Variants in NFIB observed in about 807,000 individuals in gnomAD.
NFIB encodes the protein nuclear factor I B, also known as nuclear factor 1 B-type.
Under a neutral mutation model 61.5 loss-of-function variants are expected in NFIB, and 11 were observed. That is an observed-to-expected ratio of 0.18 (90% CI 0.11 to 0.30). The LOEUF is 0.30. Ranked by LOEUF, NFIB falls within the 10% of genes least tolerant of loss-of-function variation. The pLI is 1.00. For missense variants in NFIB, 471 were observed against 608.9 expected, an observed-to-expected ratio of 0.77 and a Z score of 2.38; for synonymous variants, 260 against 216.5, an observed-to-expected ratio of 1.20 and a Z score of -1.76.
chr9:14,419,062 T>A, the NFIB span, among the ~76,000 whole-genome samples: 5 of 151,906 alleles, frequency 3.3e-5, no homozygotes, highest in East Asian at 3.9e-4. Context: ...ACCTGCAAAG[T>A]CACCAAACAA....
At chr9:14,183,294 T>C (rs1334970048) in intron 2 of NFIB, among the ~76,000 whole-genome samples, 1 of 152,126 alleles carries the variant, frequency 6.6e-6, no homozygotes, top group Non-Finnish European at 1.5e-5. Context: ...AGGCAGTAGA[T>C]ACCAGCCAGT....
intron 10 of NFIB, chr9:14,094,510 C>T (rs1024049857): frequency 1.3e-5 from 2 of 152,100 alleles, no homozygotes; most frequent in Admixed American, 6.6e-5. Context: ...TGGGTTTCTT[C>T]GATTTATTTT....
the NFIB span, among the ~76,000 whole-genome samples, chr9:14,470,149 G>T: frequency 6.6e-6 from 1 of 152,138 alleles, no homozygotes; most frequent in African/African-American, 2.4e-5. Context: ...TTGTCATGAG[G>T]ACTAAAATGA....
intron 2 of NFIB, among the ~76,000 whole-genome samples, chr9:14,243,540 G>C (rs1461667602): frequency 6.6e-6 from 1 of 151,888 alleles, no homozygotes; most frequent in Non-Finnish European, 1.5e-5. Flanking sequence ...AAGACAAACT[G>C]GAAATAAATG....
At chr9:14,446,912 A>G in the NFIB span, among the ~76,000 whole-genome samples, 11 of 152,172 alleles carry the variant, frequency 7.2e-5, no homozygotes, top group African/African-American at 2.7e-4. Context: ...TTTCAAACAA[A>G]TCTCAGATAT....
Position 14,164,050 on chromosome 9 carries a change from T to G in NFIB, c.617-8157A>C, listed in dbSNP as rs2044495882. 2.0e-5 allele frequency among the ~76,000 whole-genome samples: 3 copies of G among 150,048 alleles called. No individual in the cohort carries two copies. The South Asian group carries it at 6.3e-4, about 32-fold the overall frequency. On this transcript the variant is annotated intron_variant, in intron 3 of 10. Coordinates refer to ENST00000380953, the MANE Select transcript of NFIB (RefSeq NM_001190737.2). Reference sequence around the variant, plus strand: ...ACTTACCATAAAAGAAAGAACAGCATCACAACCACCCCAAAAATTAAAAAG... The same window carrying G: ...ACTTACCATAAAAGAAAGAACAGCAGCACAACCACCCCAAAAATTAAAAAG...
chr9:14,377,012 T>C (rs528358006), intron 1 of NFIB, among the ~76,000 whole-genome samples: 53 of 152,310 alleles, frequency 3.5e-4, no homozygotes, highest in Admixed American at 2.6e-4. Flanking sequence ...ACCAAAAAGA[T>C]ATACTGTATA....
At chr9:14,258,148 G>A (rs1038416696) in intron 2 of NFIB, among the ~76,000 whole-genome samples, 1 of 152,166 alleles carries the variant, frequency 6.6e-6, no homozygotes, top group African/African-American at 2.4e-5. Context: ...CAAAGGTACT[G>A]CTTATCATCA....
intron 2 of NFIB, among the ~76,000 whole-genome samples, chr9:14,200,375 A>G (rs940343390): frequency 6.6e-6 from 1 of 152,186 alleles, no homozygotes; most frequent in Non-Finnish European, 1.5e-5. Context: ...AATCTGTTTC[A>G]GTGAAGTTAG....
chr9:14,455,880 T>C, the NFIB span, among the ~76,000 whole-genome samples: 6 of 152,184 alleles, frequency 3.9e-5, no homozygotes, highest in African/African-American at 1.4e-4. Context: ...AAATAATTAA[T>C]ATGACATTTT....
the NFIB span, among the ~76,000 whole-genome samples, chr9:14,469,749 C>A: frequency 2.0e-5 from 3 of 152,180 alleles, no homozygotes; most frequent in East Asian, 5.8e-4. Flanking sequence ...AAAGTCCTCT[C>A]CTATATACTT....
At chr9:14,249,505 C>G (rs957722445) in intron 2 of NFIB, among the ~76,000 whole-genome samples, 6 of 152,076 alleles carry the variant, frequency 3.9e-5, no homozygotes, top group Non-Finnish European at 8.8e-5. Flanking sequence ...TCACTGTTGC[C>G]TAGGCTAAAG....
chr9:14,190,657 C>T (rs930582486), intron 2 of NFIB, among the ~76,000 whole-genome samples: 4 of 152,078 alleles, frequency 2.6e-5, no homozygotes, highest in African/African-American at 9.7e-5. Context: ...GTAATTTCCT[C>T]TTGCAAATTA....
chr9:14,446,028 G>A, the NFIB span, among the ~76,000 whole-genome samples: 2 of 152,130 alleles, frequency 1.3e-5, no homozygotes, highest in Non-Finnish European at 2.9e-5. Flanking sequence ...TAGAATTCCA[G>A]GTTCTCTCAG....
At chr9:14,329,715 A>G (rs2060798100) in intron 1 of NFIB, among the ~76,000 whole-genome samples, 1 of 151,374 alleles carries the variant, frequency 6.6e-6, no homozygotes, top group Non-Finnish European at 1.5e-5. Context: ...GAGTTTCACC[A>G]TATTGCCCAG....
the NFIB span, among the ~76,000 whole-genome samples, chr9:14,510,774 C>G: frequency 6.6e-6 from 1 of 152,142 alleles, no homozygotes; most frequent in Admixed American, 6.5e-5. Context: ...TGAGAAATGT[C>G]CACTATAAAA....
At chr9:14,457,340 T>G in the NFIB span, among the ~76,000 whole-genome samples, 1 of 152,086 alleles carries the variant, frequency 6.6e-6, no homozygotes, top group East Asian at 1.9e-4. Flanking sequence ...GATAGTTTAG[T>G]TTGAACGAGT....
rs141906953 is a variant in NFIB at position 14,200,743 on chromosome 9, T to C, written c.563-20963A>G. ...TGTTGGTGATCCCAAAGACGATCCATCCAACTTGGCCATCTTCTTGTCTTT... is the reference window on the plus strand; with the variant it reads ...TGTTGGTGATCCCAAAGACGATCCACCCAACTTGGCCATCTTCTTGTCTTT... On this transcript the variant is annotated intron_variant, in intron 2 of 10. Coordinates refer to ENST00000380953, the MANE Select transcript of NFIB (RefSeq NM_001190737.2). Among the ~76,000 whole-genome samples, 11 of 152,238 alleles carry C rather than the reference T, an allele frequency of 7.2e-5. No individual in the cohort carries two copies. The East Asian group carries it at 2.1e-3, about 29-fold the overall frequency.
chr9:14,380,998 C>T (rs576647021), intron 1 of NFIB, among the ~76,000 whole-genome samples: 21 of 140,690 alleles, frequency 1.5e-4, no homozygotes, highest in African/African-American at 4.8e-4. Flanking sequence ...TTTCCTGTTC[C>T]GGGAGGCAAA....
Sources: gnomAD v4.1 joint callset for allele counts (sites outside exome capture counted in the v4.1 genomes callset) on GRCh38, gnomAD v4.1.1 for gene constraint, MANE v1.5 for transcripts, NCBI Gene and HGNC (gene_info 2026-07-23, HGNC 2026-07-21) for gene names.